LAMC1: variants seen among roughly 807,000 people sequenced by gnomAD.
LAMC1 encodes laminin subunit gamma-1.
A neutral mutation model predicts 173.6 loss-of-function variants in LAMC1; 38 were observed. The ratio of observed to expected loss-of-function variants is 0.22; its 90% CI spans 0.17 to 0.29. The LOEUF is 0.29. LAMC1 is among the 10% of genes least tolerant of loss of function. The pLI is 1.00. For synonymous variants in LAMC1, 746 were observed against 749.1 expected (o/e 1.00, Z 0.07); for missense variants, 1,824 against 2,051.8 (o/e 0.89, Z 2.14).
At chr1:183,084,371 T>A (rs1655370989) in intron 1 of LAMC1, among the ~76,000 whole-genome samples, 1 of 152,004 alleles carries the variant, frequency 6.6e-6, no homozygotes, top group Admixed American at 6.6e-5. Flanking sequence ...GCATATTATT[T>A]ACAACATCAG....
intron 5 of LAMC1, 49 bp from the exon 6 acceptor site, chr1:183,115,471 T>A (rs1227523875): frequency 8.5e-7 from 1 of 1,176,484 alleles, no homozygotes. Flanking sequence ...TGATTTTACT[T>A]ACGTATCTGG....
chr1:183,043,895 T>G (rs1654201874), intron 1 of LAMC1, among the ~76,000 whole-genome samples: 1 of 152,186 alleles, frequency 6.6e-6, no homozygotes, highest in Non-Finnish European at 1.5e-5. Context: ...ACATTTTGAA[T>G]TGAAAGTTAT....
chr1:183,071,636 T>C (rs529361884), intron 1 of LAMC1, among the ~76,000 whole-genome samples: 3 of 152,330 alleles, frequency 2.0e-5, no homozygotes, highest in Admixed American at 6.5e-5. Context: ...GGTGATGTTC[T>C]GCCTTCTTGT....
chr1:183,049,832 A>G (rs1287426837), intron 1 of LAMC1, among the ~76,000 whole-genome samples: 1 of 152,202 alleles, frequency 6.6e-6, no homozygotes, highest in African/African-American at 2.4e-5. Context: ...AAACAAAAAA[A>G]AAAAATCATT....
intron 1 of LAMC1, among the ~76,000 whole-genome samples, chr1:183,069,053 G>A (rs912653508): frequency 2.0e-5 from 3 of 152,140 alleles, no homozygotes; most frequent in Admixed American, 6.5e-5. Flanking sequence ...GTTGAATTCT[G>A]CCTGGAGTAT....
chr1:183,092,794 T>A (rs968187431), intron 1 of LAMC1, among the ~76,000 whole-genome samples: 5 of 152,146 alleles, frequency 3.3e-5, no homozygotes, highest in Non-Finnish European at 7.3e-5. Context: ...GCTCTCTTTC[T>A]CCACATCTCT....
Position 183,114,711 on chromosome 1 carries a change from G to A in LAMC1, c.1202G>A (p.Ser401Asn). ...NNEACSSCHC[S>N]PVGSLSTQCD... ...GAAGCCTGCTCTTCATGCCACTGTA[G>A]TCCTGTGGGTAAGTGACAGGAAGAT... The change falls in exon 5 of 28, where the codon AGT (serine) becomes AAT (asparagine). Residue 401 changes from serine to asparagine, a missense_variant. By Grantham distance (46) the Ser-to-Asn change is conservative. Transcript: ENST00000258341. The A allele has an allele frequency of 6.2e-7, 1 of 1,613,706 alleles. No homozygotes were observed. The highest frequency in any genetic ancestry group is 8.5e-7 in the Non-Finnish European group (1 of 1,179,688).
Position 183,025,199 on chromosome 1 carries a change from G to A in LAMC1, c.418+1065G>A, listed in dbSNP as rs187227516. ...TCTTCTGTCAAGGGAGGGTAATTTTGTAAGGCTAATATCACTTAGGGGTGT... is the reference window on the plus strand; with the variant it reads ...TCTTCTGTCAAGGGAGGGTAATTTTATAAGGCTAATATCACTTAGGGGTGT... On this transcript the variant is annotated intron_variant, in intron 1 of 27. Coordinates refer to ENST00000258341, the MANE Select transcript of LAMC1 (RefSeq NM_002293.4). 1.3e-4 allele frequency among the ~76,000 whole-genome samples: 20 copies of A among 152,280 alleles called. No individual in the cohort carries two copies. The East Asian group carries it at 2.5e-3, about 19-fold the overall frequency.
chr1:183,037,674 C>T (rs570247059), intron 1 of LAMC1, among the ~76,000 whole-genome samples: 2 of 152,270 alleles, frequency 1.3e-5, no homozygotes, highest in South Asian at 4.1e-4. Flanking sequence ...TGCCTCCCTC[C>T]TTTTCTCTTT....
intron 1 of LAMC1, among the ~76,000 whole-genome samples, chr1:183,031,141 T>C (rs1464274987): frequency 1.3e-5 from 2 of 152,316 alleles, no homozygotes; most frequent in Non-Finnish European, 1.5e-5. Context: ...GAAGTCATCA[T>C]GAGTAGATTT....
chr1:183,131,033 G>A (rs533669232), intron 19 of LAMC1, among the ~76,000 whole-genome samples: 1 of 152,216 alleles, frequency 6.6e-6, no homozygotes, highest in South Asian at 2.1e-4. Context: ...AATTAGCCGG[G>A]TATGGTGGTG....
chr1:183,063,455 T>C (rs1260640947), intron 1 of LAMC1, among the ~76,000 whole-genome samples: 1 of 152,196 alleles, frequency 6.6e-6, no homozygotes, highest in Non-Finnish European at 1.5e-5. Flanking sequence ...ACCCTGGTAG[T>C]GAGAACTTCC....
At chr1:183,070,989 C>T (rs2102040511) in intron 1 of LAMC1, among the ~76,000 whole-genome samples, 1 of 152,246 alleles carries the variant, frequency 6.6e-6, no homozygotes, top group Admixed American at 6.5e-5. Context: ...TTCATCACAG[C>T]CTGCCACCTG....
chr1:183,047,375 C>T (rs897758170), intron 1 of LAMC1, among the ~76,000 whole-genome samples: 2 of 152,172 alleles, frequency 1.3e-5, no homozygotes, highest in African/African-American at 4.8e-5. Flanking sequence ...ATAAATTTCT[C>T]AAGCTTCTGA....
At position 183,110,070 on chromosome 1, in the gene LAMC1, T is replaced by C. The variant is rs1301702445; in HGVS notation, c.855-418T>C. On this transcript the variant is annotated intron_variant, in intron 3 of 27. Transcript: ENST00000258341. ...TCCCAATAACCTTATGAAATAGGCATTGTCATCATCCCTGTTTTACAGGCG... is the reference window on the plus strand; with the variant it reads ...TCCCAATAACCTTATGAAATAGGCACTGTCATCATCCCTGTTTTACAGGCG... Among the ~76,000 whole-genome samples the C allele has an allele frequency of 3.9e-5, 6 of 152,172 alleles. No homozygotes were observed. The South Asian group carries it at 6.2e-4, about 16-fold the overall frequency.
chr1:183,102,929 G>C (rs1488121152), intron 1 of LAMC1, among the ~76,000 whole-genome samples: 1 of 152,162 alleles, frequency 6.6e-6, no homozygotes, highest in African/African-American at 2.4e-5. Context: ...AAAGGGCCTG[G>C]AGACCCATTT....
intron 6 of LAMC1, 60 bp downstream of exon 6, chr1:183,115,697 A>T: frequency 9.1e-7 from 1 of 1,095,528 alleles, no homozygotes; most frequent in Non-Finnish European, 1.4e-6. Context: ...AACACATATT[A>T]ATAGATCTTA....
At chr1:183,133,922 G>T (rs1656868424) in intron 22 of LAMC1, among the ~76,000 whole-genome samples, 1 of 152,190 alleles carries the variant, frequency 6.6e-6, no homozygotes, top group Non-Finnish European at 1.5e-5. Context: ...TAAGTCTTTA[G>T]TGCAAATCCA....
rs569296408 is a variant in LAMC1, at chr1:183,089,031, G to A, written c.419-14297G>A. 5.3e-5 allele frequency among the ~76,000 whole-genome samples: 8 copies of A among 152,310 alleles called. No individual in the cohort carries two copies. In the South Asian group the frequency reaches 1.5e-3, roughly 28 times the overall value. On this transcript the variant is annotated intron_variant, in intron 1 of 27. Coordinates refer to ENST00000258341, the MANE Select transcript of LAMC1 (RefSeq NM_002293.4). ...TAAGCTGGGGAGTGATAATGATATAGGGTGGGTTTATAGAATACTTTCCAT... is the reference window on the plus strand; with the variant it reads ...TAAGCTGGGGAGTGATAATGATATAAGGTGGGTTTATAGAATACTTTCCAT...
Sources: allele counts gnomAD v4.1 joint callset (sites outside exome capture counted in the v4.1 genomes callset), GRCh38; gene constraint gnomAD v4.1.1; transcripts MANE v1.5; gene names NCBI Gene and HGNC (gene_info 2026-07-23, HGNC 2026-07-21).